The following MAML2 variants were observed in gnomAD, a reference collection of about 807,000 sequenced individuals.
MAML2 encodes mastermind like transcriptional coactivator 2.
A neutral mutation model predicts 96.1 loss-of-function variants in MAML2; 22 were observed. That is an observed-to-expected ratio of 0.23 (90% confidence interval 0.16 to 0.33). MAML2 has a LOEUF of 0.33. Among genes scored for constraint, MAML2 ranks in the 10% least tolerant of loss-of-function variants. MAML2 has a pLI of 1.00. For missense variants in MAML2, 1,367 were observed against 1,392.4 expected, an observed-to-expected ratio of 0.98 and a Z score of 0.29; for synonymous variants, 561 against 521.3, an observed-to-expected ratio of 1.08 and a Z score of -1.04.
chr11:96,144,673 G>T (rs1453241129), intron 1 of MAML2, among the ~76,000 whole-genome samples: 1 of 152,148 alleles, frequency 6.6e-6, no homozygotes, highest in African/African-American at 2.4e-5. Flanking sequence ...GAGAATAATA[G>T]AAACAGTAAC....
chr11:96,192,383 C>T (rs972344694), intron 1 of MAML2, among the ~76,000 whole-genome samples: 3 of 152,310 alleles, frequency 2.0e-5, no homozygotes, highest in Non-Finnish European at 4.4e-5. Context: ...GTCTGTTTCC[C>T]TAAATTGTGT....
chr11:95,998,527 C>T (rs955681293), intron 2 of MAML2, among the ~76,000 whole-genome samples: 2 of 152,098 alleles, frequency 1.3e-5, no homozygotes, highest in East Asian at 1.9e-4. Context: ...TTGTTTGCAA[C>T]GCTTTTACCT....
At chr11:96,186,597 A>T (rs754514484) in intron 1 of MAML2, among the ~76,000 whole-genome samples, 1 of 152,218 alleles carries the variant, frequency 6.6e-6, no homozygotes, top group Non-Finnish European at 1.5e-5. Context: ...CTCAAAAAAA[A>T]ATGTGATGAA....
At chr11:96,031,964 T>C (rs1363217597) in intron 2 of MAML2, among the ~76,000 whole-genome samples, 2 of 151,986 alleles carry the variant, frequency 1.3e-5, no homozygotes, top group Non-Finnish European at 2.9e-5. Context: ...CCAGCCTGGG[T>C]GACAGAGCGA....
chr11:96,225,119 G>A (rs1431919058), intron 1 of MAML2, among the ~76,000 whole-genome samples: 1 of 152,192 alleles, frequency 6.6e-6, no homozygotes, highest in African/African-American at 2.4e-5. Context: ...CAGAAAAGGT[G>A]AAAACTACCT....
intron 1 of MAML2, among the ~76,000 whole-genome samples, chr11:96,161,550 G>C (rs1245333613): frequency 6.6e-6 from 1 of 152,146 alleles, no homozygotes; most frequent in East Asian, 1.9e-4. Context: ...GGGATGTGCA[G>C]CTGACCCTCC....
chr11:96,326,152 C>G (rs1050259531), intron 1 of MAML2, among the ~76,000 whole-genome samples: 1 of 133,594 alleles, frequency 7.5e-6, no homozygotes, highest in African/African-American at 2.8e-5. Context: ...TTGTGTGGTT[C>G]AAGGACCCAA....
intron 2 of MAML2, among the ~76,000 whole-genome samples, chr11:96,068,823 C>G (rs894835050): frequency 1.4e-5 from 2 of 147,528 alleles, no homozygotes. Flanking sequence ...GAGCAAGACT[C>G]CTTCTCAAAA....
At chr11:96,159,404 A>ATTATTTTTTTTTTTTT (rs1157893034) in intron 1 of MAML2, among the ~76,000 whole-genome samples, 1 of 62,000 alleles carries the variant, frequency 1.6e-5, no homozygotes, top group Non-Finnish European at 3.2e-5. Flanking sequence ...TAAACCACTG[A>ATTATTTTTTTTTTTTT]TTCTTTTTTT....
At chr11:95,996,064 G>A (rs957172666) in intron 2 of MAML2, among the ~76,000 whole-genome samples, 18 of 139,960 alleles carry the variant, frequency 1.3e-4, no homozygotes, top group African/African-American at 4.7e-4. Context: ...AAAAGTTGAA[G>A]GAAAAATCAA....
At chr11:95,983,226 A>C (rs1276293152) in intron 4 of MAML2, among the ~76,000 whole-genome samples, 1 of 152,166 alleles carries the variant, frequency 6.6e-6, no homozygotes, top group Non-Finnish European at 1.5e-5. Context: ...GTGCAGGCCT[A>C]GGCTAATGTG....
At chr11:96,065,442 C>CACACACAG (rs1491235622) in intron 2 of MAML2, among the ~76,000 whole-genome samples, 4 of 145,406 alleles carry the variant, frequency 2.8e-5, no homozygotes, top group Non-Finnish European at 6.1e-5. Context: ...CACACACACA[C>CACACACAG]AGGAAAGAAA....
At chr11:96,247,334 G>C (rs7931428) in intron 1 of MAML2, among the ~76,000 whole-genome samples, 8,126 of 152,144 alleles carry the variant, frequency 0.053, 354 homozygotes, top group African/African-American at 0.11. Flanking sequence ...TTCTGAGATA[G>C]CAGTTCAGTG....
chr11:96,006,542 A>G (rs1474442030), intron 2 of MAML2, among the ~76,000 whole-genome samples: 1 of 149,812 alleles, frequency 6.7e-6, no homozygotes, highest in Non-Finnish European at 1.5e-5. Context: ...GGGAAATAAG[A>G]TTGGAGTATC....
intron 1 of MAML2, among the ~76,000 whole-genome samples, chr11:96,223,110 A>G (rs7939522): frequency 0.14 from 21,257 of 152,172 alleles, 1,751 homozygotes; most frequent in African/African-American, 0.21. Flanking sequence ...AGAATCTAAT[A>G]TTTAGATCAT....
At chr11:96,173,161 C>A (rs576475891) in intron 1 of MAML2, among the ~76,000 whole-genome samples, 1 of 152,164 alleles carries the variant, frequency 6.6e-6, no homozygotes, top group East Asian at 1.9e-4. Context: ...GGAGATGTGT[C>A]CCAGAGCACT....
chr11:96,033,507 G>C (rs545537738), intron 2 of MAML2, among the ~76,000 whole-genome samples: 98 of 152,338 alleles, frequency 6.4e-4, no homozygotes, highest in Non-Finnish European at 1.1e-3. Context: ...CAGAGACTGT[G>C]AGCTCCTTGA....
At chr11:95,980,135 A>G (rs981879682) in intron 4 of MAML2, among the ~76,000 whole-genome samples, 172 bp from the exon 5 acceptor site, 8 of 152,236 alleles carry the variant, frequency 5.3e-5, no homozygotes, top group Non-Finnish European at 1.2e-4. Flanking sequence ...AGGAGGAAGG[A>G]GCACCTGAGG....
intron 2 of MAML2, among the ~76,000 whole-genome samples, chr11:96,004,762 AT>A (rs1333495786): frequency 6.6e-6 from 1 of 152,192 alleles, no homozygotes; most frequent in Non-Finnish European, 1.5e-5. Flanking sequence ...TCCTCATGGA[AT>A]TGCTGTATGG....
Sources: allele counts gnomAD v4.1 joint callset (sites outside exome capture counted in the v4.1 genomes callset), GRCh38; gene constraint gnomAD v4.1.1; transcripts MANE v1.5; gene names NCBI Gene and HGNC (gene_info 2026-07-23, HGNC 2026-07-21).